The following NRP1 variants were observed in gnomAD, a reference collection of about 807,000 sequenced individuals.
NRP1 encodes neuropilin-1.
NRP1 carries 35 observed loss-of-function variants against 106.7 expected under a neutral mutation model. That is an observed-to-expected ratio of 0.33 (90% CI 0.25 to 0.43). NRP1 has a LOEUF of 0.43. Among genes scored for constraint, NRP1 ranks in the 20% least tolerant of loss-of-function variants. The pLI, the probability that NRP1 is intolerant of heterozygous loss-of-function variation, is 1.00. For missense variants in NRP1, 1,024 were observed against 1,170.4 expected, an observed-to-expected ratio of 0.87 and a Z score of 1.83; for synonymous variants, 437 against 417.9, an observed-to-expected ratio of 1.05 and a Z score of -0.56.
chr10:33,313,376 A>C (rs1189020646), intron 2 of NRP1, among the ~76,000 whole-genome samples: 3 of 152,196 alleles, frequency 2.0e-5, no homozygotes, highest in Non-Finnish European at 4.4e-5. Flanking sequence ...CAAAGACCAA[A>C]GAAAGCCCCA....
intron 7 of NRP1, among the ~76,000 whole-genome samples, chr10:33,224,846 C>T (rs1349681385): frequency 1.3e-5 from 2 of 152,168 alleles, no homozygotes; most frequent in African/African-American, 4.8e-5. Flanking sequence ...TGAAGTAGCG[C>T]TTATTTTAAA....
At chr10:33,180,493 A>G in intron 16 of NRP1, 128 bp from the exon 17 acceptor site, 1 of 906,916 alleles carries the variant, frequency 1.1e-6, no homozygotes, top group East Asian at 2.6e-5. Context: ...TATCTGACTC[A>G]TTGTTGGGAA....
chr10:33,205,473 T>A (rs1448484881), intron 10 of NRP1: 1 of 152,222 alleles, frequency 6.6e-6, no homozygotes, highest in Non-Finnish European at 1.5e-5. Flanking sequence ...GTTTAATTCA[T>A]GCAGAGACAA....
At chr10:33,296,510 C>A (rs1588944752) in intron 2 of NRP1, among the ~76,000 whole-genome samples, 1 of 152,166 alleles carries the variant, frequency 6.6e-6, no homozygotes, top group Non-Finnish European at 1.5e-5. Flanking sequence ...GGTCTGGATA[C>A]AGACGGGGCC....
intron 11 of NRP1, among the ~76,000 whole-genome samples, chr10:33,199,440 A>G (rs1837103530): frequency 9.0e-6 from 1 of 111,192 alleles, no homozygotes; most frequent in Non-Finnish European, 1.7e-5. Flanking sequence ...CAGGGATCTC[A>G]CTGTCTGGCC....
chr10:33,209,792 A>G (rs1838148516), intron 9 of NRP1, among the ~76,000 whole-genome samples: 1 of 152,256 alleles, frequency 6.6e-6, no homozygotes, highest in African/African-American at 2.4e-5. Context: ...CCTGATTTTA[A>G]TAGGTGAAAA....
intron 5 of NRP1, among the ~76,000 whole-genome samples, chr10:33,254,937 C>T (rs1334275954): frequency 1.3e-5 from 2 of 152,178 alleles, no homozygotes; most frequent in Non-Finnish European, 2.9e-5. Flanking sequence ...TCAGCAGGGA[C>T]GTGGTGTTTC....
chr10:33,255,547 G>T (rs1842140537), intron 5 of NRP1, among the ~76,000 whole-genome samples: 1 of 152,120 alleles, frequency 6.6e-6, no homozygotes, highest in Admixed American at 6.6e-5. Flanking sequence ...CTTAAACTTT[G>T]AGGCTCAAGC....
In NRP1 at chr10:33,185,692, G is replaced by A; in HGVS notation, c.2367C>T (p.Asn789=). ...TGTCATCCACAGCAATCCCACCAAGGTTTCCTTTTCCGATTTCGCCCTCGA... is the reference window on the plus strand; with the variant it reads ...TGTCATCCACAGCAATCCCACCAAGATTTCCTTTTCCGATTTCGCCCTCGA... ...VIFEGEIGKG[N]LGGIAVDDIS... The change falls in exon 15 of 17, where the codon AAC becomes AAT. Residue 789 remains asparagine (N), a synonymous_variant. Transcript: ENST00000374867. 2 of 1,614,078 alleles carry A rather than the reference G, an allele frequency of 1.2e-6. No homozygotes were observed. Among genetic ancestry groups the A allele is most frequent in the South Asian group, 2.2e-5 (2 of 91,076 alleles).
At chr10:33,252,021 C>T (rs1245250925) in intron 6 of NRP1, among the ~76,000 whole-genome samples, 9 of 152,252 alleles carry the variant, frequency 5.9e-5, no homozygotes, top group Non-Finnish European at 1.2e-4. Context: ...ACCACCATGG[C>T]CCACCACGCC....
At chr10:33,211,992 T>C (rs939546862) in intron 9 of NRP1, 1 of 152,218 alleles carries the variant, frequency 6.6e-6, no homozygotes, top group Non-Finnish European at 1.5e-5. Flanking sequence ...AACCAGCTTC[T>C]GGGCCACCCA....
At chr10:33,226,053 G>A (rs1839638791) in intron 7 of NRP1, 81 bp downstream of exon 7, 2 of 1,475,982 alleles carry the variant, frequency 1.4e-6, no homozygotes, top group Non-Finnish European at 1.9e-6. Flanking sequence ...AGGCCAGACA[G>A]AAAGCTACCA....
intron 4 of NRP1, among the ~76,000 whole-genome samples, chr10:33,263,123 G>A (rs573374325): frequency 6.6e-6 from 1 of 152,286 alleles, no homozygotes; most frequent in East Asian, 1.9e-4. Context: ...GTCTAAATTA[G>A]GAATGCCCAA....
chr10:33,308,800 A>T (rs577974541), intron 2 of NRP1, among the ~76,000 whole-genome samples: 24 of 152,196 alleles, frequency 1.6e-4, no homozygotes, highest in African/African-American at 5.1e-4. Flanking sequence ...CAATTTTTTT[A>T]AAAAATGCAT....
chr10:33,277,381 T>C (rs1001509986), intron 2 of NRP1, among the ~76,000 whole-genome samples: 1 of 152,170 alleles, frequency 6.6e-6, no homozygotes, highest in African/African-American at 2.4e-5. Context: ...TGAAACAAGG[T>C]TGGCTCCTGG....
At chr10:33,185,798 G>T in intron 14 of NRP1, 74 bp from the exon 15 acceptor site, 1 of 1,271,240 alleles carries the variant, frequency 7.9e-7, no homozygotes, top group Non-Finnish European at 1.1e-6. Flanking sequence ...TGCTTGTTCA[G>T]CTCCAGCTAC....
intron 2 of NRP1, among the ~76,000 whole-genome samples, chr10:33,319,958 C>T (rs1380569939): frequency 6.6e-6 from 1 of 151,872 alleles, no homozygotes; most frequent in Non-Finnish European, 1.5e-5. Flanking sequence ...GTCAGCTAGA[C>T]CGCGAACCCA....
chr10:33,186,421 G>A lies in NRP1; in HGVS notation c.2130C>T (p.Ser710=). The A allele has an allele frequency of 6.2e-7, 1 of 1,613,992 alleles. No homozygotes were observed. The highest frequency in any genetic ancestry group is 8.5e-7 in the Non-Finnish European group (1 of 1,180,016). Residue 710 remains serine (S), a synonymous_variant, in exon 14 of 17, where the codon AGC becomes AGT. Coordinates refer to ENST00000374867, the MANE Select transcript of NRP1 (RefSeq NM_003873.7). ...CAGAGTTCTGGGAATAAACCACAGGGCTCACCAGGCGAGCCACTTTGCCCT... is the reference window on the plus strand; with the variant it reads ...CAGAGTTCTGGGAATAAACCACAGGACTCACCAGGCGAGCCACTTTGCCCT... ...NQKGKVARLV[S]PVVYSQNSAH...
intron 9 of NRP1, chr10:33,212,632 G>A (rs1050354103): frequency 1.1e-4 from 17 of 153,086 alleles, no homozygotes; most frequent in Admixed American, 5.8e-4. Context: ...CACTAAAAAG[G>A]TTAAGATGGG....
Sources: gnomAD v4.1 joint callset for allele counts (sites outside exome capture counted in the v4.1 genomes callset) on GRCh38, gnomAD v4.1.1 for gene constraint, MANE v1.5 for transcripts, NCBI Gene and HGNC (gene_info 2026-07-23, HGNC 2026-07-21) for gene names.